LRP6: variants seen among roughly 807,000 people sequenced by gnomAD.
LRP6 encodes LDL receptor related protein 6, also known as low-density lipoprotein receptor-related protein 6.
A neutral mutation model predicts 184.1 loss-of-function variants in LRP6; 43 were observed. That is an observed-to-expected ratio of 0.23 (90% CI 0.18 to 0.30). LRP6 has a LOEUF of 0.30. Ranked by LOEUF, LRP6 falls within the 10% of genes least tolerant of loss-of-function variation. LRP6 has a pLI of 1.00. For synonymous variants in LRP6, 719 were observed against 684.9 expected (o/e 1.05, Z -0.78); for missense variants, 1,571 against 2,005.3 (o/e 0.78, Z 4.14).
At chr12:12,185,842 T>G (rs73055392) in intron 4 of LRP6, among the ~76,000 whole-genome samples, 26 of 94,294 alleles carry the variant, frequency 2.8e-4, no homozygotes, top group South Asian at 2.3e-3. Flanking sequence ...GTGTGTGTGT[T>G]TTTTGTTTTT....
At chr12:12,164,176 A>C in intron 9 of LRP6, 97 bp downstream of exon 9, 1 of 1,134,362 alleles carries the variant, frequency 8.8e-7, no homozygotes, top group East Asian at 2.4e-5. Flanking sequence ...TCTGCCTGTC[A>C]AACAATGAGG....
chr12:12,218,797 C>G (rs1864413978), intron 2 of LRP6, among the ~76,000 whole-genome samples: 2 of 152,006 alleles, frequency 1.3e-5, no homozygotes, highest in Non-Finnish European at 2.9e-5. Context: ...CCACTGTACT[C>G]CAACCCAAGT....
intron 7 of LRP6, among the ~76,000 whole-genome samples, chr12:12,173,895 T>G (rs1863109345): frequency 6.6e-6 from 1 of 152,154 alleles, no homozygotes; most frequent in Non-Finnish European, 1.5e-5. Flanking sequence ...TCAATGAACA[T>G]TAAGTCCAAA....
At chr12:12,150,791 G>GTTA (rs762298514) in intron 13 of LRP6, 45 bp downstream of exon 13, 14 of 1,597,966 alleles carry the variant, frequency 8.8e-6, no homozygotes, top group Non-Finnish European at 1.2e-5. Context: ...GGTGAGTCCA[G>GTTA]TTATTAGTCA....
At chr12:12,234,428 C>T (rs1028064247) in intron 2 of LRP6, among the ~76,000 whole-genome samples, 3 of 151,166 alleles carry the variant, frequency 2.0e-5, no homozygotes, top group Non-Finnish European at 2.9e-5. Flanking sequence ...CCAGCCTGGG[C>T]GACAGAGTGA....
At chr12:12,194,621 T>G (rs1343449791) in intron 3 of LRP6, among the ~76,000 whole-genome samples, 2 of 152,122 alleles carry the variant, frequency 1.3e-5, no homozygotes, top group Non-Finnish European at 2.9e-5. Context: ...TACATAATAA[T>G]TACACATATT....
In LRP6 at chr12:12,177,546, C is replaced by T. The variant is rs187605571; in HGVS notation, c.1545+2264G>A. ...CCGAGTTATGCAGGACTAATTTAGA[C>T]GAAGAGCTGCACTCTTTCTTTAGTT... On this transcript the variant is annotated intron_variant, in intron 7 of 22. Coordinates refer to ENST00000261349, the MANE Select transcript of LRP6 (RefSeq NM_002336.3). Among the ~76,000 whole-genome samples the T allele has an allele frequency of 1.1e-4, 17 of 152,216 alleles. No individual in the cohort carries two copies. In the East Asian group the frequency reaches 2.1e-3, roughly 19 times the overall value.
In LRP6 at chr12:12,155,678, G is replaced by A. The variant is rs894907457; in HGVS notation, c.2791+3151C>T. The A allele has an allele frequency of 1.4e-5, 13 of 962,422 alleles. 1 individual carries two copies. Among genetic ancestry groups the A allele is most frequent in the Non-Finnish European group, 1.9e-5 (11 of 589,034 alleles). The allele number at this position is 962,422 out of a possible 1,614,324, so 59.6% of individuals were successfully genotyped here. ...AAAGGTACCTGGGTTCAACTGAAGC[G>A]CCAGCCTGCTCCACCCAGAGAAGCA... is the stretch of plus-strand genomic sequence containing the variant. On this transcript the variant is annotated intron_variant, in intron 12 of 22. Coordinates refer to ENST00000261349, the MANE Select transcript of LRP6 (RefSeq NM_002336.3).
At chr12:12,263,332 T>G (rs897064144) in intron 1 of LRP6, among the ~76,000 whole-genome samples, 1 of 150,390 alleles carries the variant, frequency 6.6e-6, no homozygotes, top group African/African-American at 2.4e-5. Context: ...TTCCAGGACT[T>G]TGGGAGGCCG....
chr12:12,138,828 T>C, intron 15 of LRP6: 1 of 1,405,678 alleles, frequency 7.1e-7, no homozygotes, highest in Non-Finnish European at 9.5e-7. Context: ...AACTTATATA[T>C]ACAACAGATA....
intron 1 of LRP6, chr12:12,249,272 G>A: frequency 9.8e-7 from 1 of 1,024,104 alleles, no homozygotes; most frequent in Non-Finnish European, 1.5e-6. Flanking sequence ...GGAGTTAATA[G>A]TTCTAATGGA....
chr12:12,158,926 C>A lies in LRP6; in HGVS notation c.2694G>T (p.Gly898=). The A allele has an allele frequency of 6.2e-7, 1 of 1,614,192 alleles. No homozygotes were observed. The highest frequency in any genetic ancestry group is 1.1e-5 in the South Asian group (1 of 91,074). ...SGWNECASSN[G]HCSHLCLAVP... ...CAGCCAAGCAGAGGTGGGAGCAGTG[C>A]CCATTGCTGGAAGCACATTCATTCC... The change falls in exon 12 of 23, where the codon GGG becomes GGT. Residue 898 remains glycine (G), a synonymous_variant. Coordinates refer to ENST00000261349, the MANE Select transcript of LRP6 (RefSeq NM_002336.3).
intron 1 of LRP6, among the ~76,000 whole-genome samples, chr12:12,254,796 T>C (rs1445168605): frequency 6.6e-6 from 1 of 152,324 alleles, no homozygotes; most frequent in East Asian, 1.9e-4. Context: ...TTCCCAGCCT[T>C]GCAGGTGAAT....
chr12:12,150,591 C>A (rs1018861902), intron 13 of LRP6, among the ~76,000 whole-genome samples: 2 of 152,134 alleles, frequency 1.3e-5, no homozygotes, highest in African/African-American at 4.8e-5. Flanking sequence ...AGGGGGCAGT[C>A]ACAAAGCCAT....
At chr12:12,121,498 A>C in intron 22 of LRP6, 78 bp from the exon 23 acceptor site, 2 of 1,301,120 alleles carry the variant, frequency 1.5e-6, no homozygotes, top group Middle Eastern at 2.0e-4. Flanking sequence ...TAGAGGTATT[A>C]GATGTCAACT....
chr12:12,170,430 T>C (rs1331740654), intron 7 of LRP6, among the ~76,000 whole-genome samples: 1 of 151,476 alleles, frequency 6.6e-6, no homozygotes. Flanking sequence ...AATATTAAAA[T>C]TTTATTAATG....
At position 12,181,403 on chromosome 12, in the gene LRP6, T is replaced by C. The variant is rs552050322; in HGVS notation, c.1013A>G (p.Asp338Gly). The change falls in exon 6 of 23, where the codon GAC (aspartate) becomes GGC (glycine). Residue 338 changes from aspartate to glycine, a missense_variant. By Grantham distance (94) the Asp-to-Gly change is moderately conservative. This residue lies in a region of LRP6 where 640 missense variants were observed against 851.9 expected (regional missense o/e 0.75). Coordinates refer to ENST00000261349, the MANE Select transcript of LRP6 (RefSeq NM_002336.3). ...TGTATCCAAAGAAATGCGTCTCAAGTCTGTCCTTCGAGCTAAAAGCAATAA... is the reference window on the plus strand; with the variant it reads ...TGTATCCAAAGAAATGCGTCTCAAGCCTGTCCTTCGAGCTAAAAGCAATAA... ...TELLLLARRT[D>G]LRRISLDTPD... 1 of 1,457,768 alleles carries C rather than the reference T, an allele frequency of 6.9e-7. No homozygotes were observed. The highest frequency in any genetic ancestry group is 9.6e-7 in the Non-Finnish European group (1 of 1,037,934). The allele number at this position is 1,457,768 out of a possible 1,614,324, so 90.3% of individuals were successfully genotyped here.
At chr12:12,186,532 C>T (rs568841070) in intron 4 of LRP6, among the ~76,000 whole-genome samples, 1 of 151,802 alleles carries the variant, frequency 6.6e-6, no homozygotes, top group Non-Finnish European at 1.5e-5. Flanking sequence ...GTGCACACTA[C>T]CACACCCCAT....
At chr12:12,203,492 C>T (rs996198557) in intron 2 of LRP6, 92 bp from the exon 3 acceptor site, 14 of 1,030,742 alleles carry the variant, frequency 1.4e-5, no homozygotes, top group African/African-American at 4.8e-5. Context: ...TCAGGCCGCG[C>T]GCAGTGGCTC....
Sources: gnomAD v4.1 joint callset for allele counts (sites outside exome capture counted in the v4.1 genomes callset) on GRCh38, gnomAD v4.1.1 for gene constraint, gnomAD v4.1.1 regional missense constraint, MANE v1.5 for transcripts, NCBI Gene and HGNC (gene_info 2026-07-23, HGNC 2026-07-21) for gene names.